Variants in STAU2 observed in about 807,000 individuals in gnomAD.
The protein encoded by STAU2 is staufen double-stranded RNA binding protein 2.
Under a neutral mutation model 65.9 loss-of-function variants are expected in STAU2, and 20 were observed. The ratio of observed to expected loss-of-function variants is 0.30; its 90% CI spans 0.21 to 0.44. STAU2 has a LOEUF of 0.44. STAU2 is among the 20% of genes least tolerant of loss of function. The probability of loss-of-function intolerance (pLI) is 1.00; values close to 1 mark genes in which losing one functional copy is unlikely to be tolerated. For synonymous variants in STAU2, 232 were observed against 233.9 expected (o/e 0.99, Z 0.07); for missense variants, 558 against 683.9 (o/e 0.82, Z 2.05).
At chr8:73,712,305 G>C (rs1286839868) in intron 3 of STAU2, among the ~76,000 whole-genome samples, 2 of 152,154 alleles carry the variant, frequency 1.3e-5, no homozygotes, top group African/African-American at 2.4e-5. Flanking sequence ...CTGCCACTTT[G>C]AAAGAACAAC....
At chr8:73,652,359 A>G (rs1259840849) in intron 6 of STAU2, 1 of 152,190 alleles carries the variant, frequency 6.6e-6, no homozygotes, top group East Asian at 1.9e-4. Flanking sequence ...TGCACAAATG[A>G]ACCCTTTCTG....
intron 13 of STAU2, among the ~76,000 whole-genome samples, chr8:73,476,180 C>T (rs1261454802): frequency 1.3e-5 from 2 of 152,150 alleles, no homozygotes; most frequent in Admixed American, 6.5e-5. Flanking sequence ...CAGAGGAGCA[C>T]GAATGACCTC....
chr8:73,675,128 A>G (rs1477392389), intron 5 of STAU2, among the ~76,000 whole-genome samples: 2 of 151,954 alleles, frequency 1.3e-5, no homozygotes, highest in African/African-American at 4.8e-5. Context: ...ATTGGACATC[A>G]ACTGCAAAAG....
intron 13 of STAU2, among the ~76,000 whole-genome samples, chr8:73,461,094 A>C (rs16938666): frequency 0.02 from 3,052 of 152,320 alleles, 105 homozygotes; most frequent in African/African-American, 0.07. Context: ...CTGTAGAGTC[A>C]GACCAACCTG....
At chr8:73,550,295 G>C in intron 13 of STAU2, 2 of 984,086 alleles carry the variant, frequency 2.0e-6, no homozygotes, top group Non-Finnish European at 2.4e-6. Flanking sequence ...AATAATGAGG[G>C]AAGCAGACTC....
At chr8:73,548,966 T>C (rs1807130858) in intron 13 of STAU2, among the ~76,000 whole-genome samples, 1 of 152,242 alleles carries the variant, frequency 6.6e-6, no homozygotes. Flanking sequence ...ATTAAAGATG[T>C]GAAAACTTAA....
At chr8:73,546,022 ACTT>A in intron 13 of STAU2, among the ~76,000 whole-genome samples, 1 of 145,172 alleles carries the variant, frequency 6.9e-6, no homozygotes, top group Admixed American at 6.9e-5. Flanking sequence ...GGCTCACTGC[ACTT>A]CCGCCTCCCT....
chr8:73,602,144 C>A (rs1811676007), intron 10 of STAU2, among the ~76,000 whole-genome samples: 1 of 151,938 alleles, frequency 6.6e-6, no homozygotes. Context: ...AGGCAGGCAG[C>A]AAATATCTAT....
intron 6 of STAU2, among the ~76,000 whole-genome samples, chr8:73,656,773 AT>A (rs1816408841): frequency 6.6e-6 from 1 of 152,208 alleles, no homozygotes; most frequent in Non-Finnish European, 1.5e-5. Flanking sequence ...ATCTGCCTTT[AT>A]TTCTCAACTC....
intron 12 of STAU2, among the ~76,000 whole-genome samples, chr8:73,568,860 C>T (rs1808819873): frequency 6.6e-6 from 1 of 152,110 alleles, no homozygotes; most frequent in South Asian, 2.1e-4. Context: ...ATTGGAGGTT[C>T]CAAGATGGCC....
intron 12 of STAU2, among the ~76,000 whole-genome samples, chr8:73,568,952 A>C (rs575824141): frequency 5.9e-5 from 9 of 152,250 alleles, no homozygotes; most frequent in African/African-American, 1.9e-4. Flanking sequence ...CTGAGGTACC[A>C]GGTTCATCTC....
intron 13 of STAU2, among the ~76,000 whole-genome samples, chr8:73,496,860 C>T (rs1317769158): frequency 6.6e-6 from 1 of 151,672 alleles, no homozygotes; most frequent in Non-Finnish European, 1.5e-5. Context: ...GCTCAATAGC[C>T]ACATGTGGCT....
chr8:73,457,587 G>T (rs764731795), intron 13 of STAU2, among the ~76,000 whole-genome samples: 1 of 152,220 alleles, frequency 6.6e-6, no homozygotes, highest in Non-Finnish European at 1.5e-5. Flanking sequence ...GGGAGGAAAA[G>T]AACATCTCCC....
chr8:73,724,599 A>C (rs1283950278), intron 3 of STAU2, among the ~76,000 whole-genome samples: 1 of 151,464 alleles, frequency 6.6e-6, no homozygotes, highest in African/African-American at 2.4e-5. Flanking sequence ...AGTCTAACTT[A>C]AGTGTTCTGA....
At chr8:73,516,971 G>C (rs895364292) in intron 13 of STAU2, among the ~76,000 whole-genome samples, 1 of 152,112 alleles carries the variant, frequency 6.6e-6, no homozygotes, top group Non-Finnish European at 1.5e-5. Flanking sequence ...CATTAGTAGT[G>C]AACTGTTAAC....
chr8:73,462,304 G>T (rs1168290067), intron 13 of STAU2, among the ~76,000 whole-genome samples: 2 of 151,576 alleles, frequency 1.3e-5, no homozygotes, highest in Non-Finnish European at 2.9e-5. Flanking sequence ...ATGTTGGCAT[G>T]TTGGCCAGGC....
chr8:73,625,823 AT>A (rs1422436077), intron 6 of STAU2, among the ~76,000 whole-genome samples: 2 of 152,094 alleles, frequency 1.3e-5, no homozygotes, highest in African/African-American at 4.8e-5. Context: ...TCTCATTCAC[AT>A]TCTTGGCAGA....
At chr8:73,655,639 CTTTTTTT>C (rs71269930) in intron 6 of STAU2, among the ~76,000 whole-genome samples, 64 of 104,738 alleles carry the variant, frequency 6.1e-4, no homozygotes, top group Non-Finnish European at 9.8e-4. Flanking sequence ...TTTAATACAT[CTTTTTTT>C]TTTTTTTTTT....
At chr8:73,583,663 A>T (rs1157819458) in intron 11 of STAU2, among the ~76,000 whole-genome samples, 1 of 152,056 alleles carries the variant, frequency 6.6e-6, no homozygotes, top group Non-Finnish European at 1.5e-5. Context: ...AATATAAAAA[A>T]AATAAAAAAA....
Sources: allele counts gnomAD v4.1 joint callset (sites outside exome capture counted in the v4.1 genomes callset), GRCh38; gene constraint gnomAD v4.1.1; transcripts MANE v1.5; gene names NCBI Gene and HGNC (gene_info 2026-07-23, HGNC 2026-07-21).